ADGRL3: variants seen among roughly 807,000 people sequenced by gnomAD.
ADGRL3 encodes adhesion G protein-coupled receptor L3, also known as calcium-independent alpha-latrotoxin receptor 3.
A neutral mutation model predicts 153.5 loss-of-function variants in ADGRL3; 62 were observed. The observed-to-expected ratio is 0.40, with a 90% CI of 0.33 to 0.50. The LOEUF is 0.50. Ranked by LOEUF, ADGRL3 falls within the 20% of genes least tolerant of loss-of-function variation. ADGRL3 has a pLI of 0.47. For synonymous variants in ADGRL3, 710 were observed against 672.5 expected (o/e 1.06, Z -0.86); for missense variants, 1,641 against 1,859.4 (o/e 0.88, Z 2.16).
intron 5 of ADGRL3, among the ~76,000 whole-genome samples, chr4:61,663,465 C>T (rs191138278): frequency 1.9e-4 from 29 of 152,314 alleles, no homozygotes; most frequent in Middle Eastern, 6.8e-3. Flanking sequence ...CCACCGCAGC[C>T]GGTGTGCCTG....
At chr4:61,350,846 C>A (rs79224445) in intron 1 of ADGRL3, among the ~76,000 whole-genome samples, 2 of 152,060 alleles carry the variant, frequency 1.3e-5, no homozygotes, top group Non-Finnish European at 2.9e-5. Context: ...TCTTTTCCCC[C>A]CTCTGTGCCC....
intron 1 of ADGRL3, among the ~76,000 whole-genome samples, chr4:61,317,755 A>G (rs933870184): frequency 3.9e-5 from 6 of 152,296 alleles, no homozygotes; most frequent in African/African-American, 1.2e-4. Flanking sequence ...CAGAGTCTAT[A>G]TATCATACTT....
In ADGRL3 at chr4:61,677,125, C is replaced by T. The variant is rs373353994; in HGVS notation, c.583+190C>T. The T allele has an allele frequency of 9.5e-5, 49 of 514,670 alleles. 1 individual carries two copies. Among genetic ancestry groups the T allele is most frequent in the Middle Eastern group, 5.1e-4 (1 of 1,952 alleles). 31.9% of individuals were successfully genotyped at this position (514,670 alleles called of 1,614,324 possible). A position where few individuals can be genotyped will look rare whatever the true frequency, so the allele number is the denominator to read the frequency against. ...ATTAGATATTGCCTACCCTCTCCTA[C>T]GGCATTTACTTGTGATTATTTCTGT... On this transcript the variant is annotated intron_variant, in intron 6 of 26. Coordinates refer to ENST00000683033, the MANE Select transcript of ADGRL3 (RefSeq NM_001387552.1).
intron 6 of ADGRL3, among the ~76,000 whole-genome samples, chr4:61,699,584 A>C (rs1313020293): frequency 6.6e-6 from 1 of 152,136 alleles, no homozygotes; most frequent in Admixed American, 6.6e-5. Context: ...AGGAAGAAAA[A>C]TCACTCTTGG....
intron 2 of ADGRL3, among the ~76,000 whole-genome samples, chr4:61,479,983 A>G (rs1236508928): frequency 6.6e-6 from 1 of 152,160 alleles, no homozygotes; most frequent in Non-Finnish European, 1.5e-5. Flanking sequence ...AAGCTAGTTA[A>G]CATGTTCATC....
At chr4:61,537,412 A>G (rs990615544) in intron 4 of ADGRL3, among the ~76,000 whole-genome samples, 1 of 151,916 alleles carries the variant, frequency 6.6e-6, no homozygotes, top group Non-Finnish European at 1.5e-5. Context: ...GTATCTGGAT[A>G]TTTACCTCTC....
intron 1 of ADGRL3, among the ~76,000 whole-genome samples, chr4:61,226,529 A>G (rs752436296): frequency 1.3e-5 from 2 of 152,158 alleles, no homozygotes; most frequent in African/African-American, 2.4e-5. Flanking sequence ...ATGTGGCATG[A>G]ATAGTGGAAG....
chr4:61,628,041 A>G (rs1388726557), intron 5 of ADGRL3, among the ~76,000 whole-genome samples: 3 of 152,214 alleles, frequency 2.0e-5, no homozygotes, highest in Non-Finnish European at 4.4e-5. Flanking sequence ...TTAATTTAAT[A>G]ACATGATACA....
intron 6 of ADGRL3, among the ~76,000 whole-genome samples, chr4:61,694,208 T>TGC (rs2095598639): frequency 7.5e-6 from 1 of 133,836 alleles, no homozygotes. Context: ...TTTTTTTTTT[T>TGC]TTTTTTTTTT....
intron 25 of ADGRL3, among the ~76,000 whole-genome samples, chr4:62,053,588 G>A (rs1735431101): frequency 6.6e-6 from 1 of 151,496 alleles, no homozygotes; most frequent in African/African-American, 2.4e-5. Flanking sequence ...ATAGAAGGAA[G>A]ATAGTCAATC....
chr4:61,287,078 G>A (rs1402619461), intron 1 of ADGRL3, among the ~76,000 whole-genome samples: 1 of 151,498 alleles, frequency 6.6e-6, no homozygotes. Context: ...TTCATAGTAG[G>A]GATTTTCAAT....
intron 4 of ADGRL3, among the ~76,000 whole-genome samples, chr4:61,534,088 A>G (rs1271131104): frequency 2.0e-5 from 3 of 152,004 alleles, no homozygotes. Context: ...CAGGTTTTGC[A>G]TTTAAGTCAT....
chr4:61,680,245 G>T (rs192824083), intron 6 of ADGRL3, among the ~76,000 whole-genome samples: 6 of 151,936 alleles, frequency 3.9e-5, no homozygotes, highest in Non-Finnish European at 7.4e-5. Flanking sequence ...TGAACGAACA[G>T]TGTTAGGTTC....
At chr4:61,791,208 A>G (rs1263447459) in intron 8 of ADGRL3, among the ~76,000 whole-genome samples, 1 of 152,160 alleles carries the variant, frequency 6.6e-6, no homozygotes, top group East Asian at 1.9e-4. Flanking sequence ...AGTCCCTTCC[A>G]CCTATGAGCC....
intron 2 of ADGRL3, among the ~76,000 whole-genome samples, chr4:61,429,530 C>T (rs1017250841): frequency 6.6e-6 from 1 of 152,048 alleles, no homozygotes; most frequent in Non-Finnish European, 1.5e-5. Flanking sequence ...TTGGAATTAA[C>T]CCCCCACTTC....
chr4:61,568,852 A>G (rs1222208654), intron 4 of ADGRL3, among the ~76,000 whole-genome samples: 1 of 151,856 alleles, frequency 6.6e-6, no homozygotes, highest in Non-Finnish European at 1.5e-5. Flanking sequence ...CCTTCCCTCA[A>G]ATTTAATCTA....
At chr4:61,711,491 TACAC>T (rs1554009882) in intron 6 of ADGRL3, among the ~76,000 whole-genome samples, 3 of 89,202 alleles carry the variant, frequency 3.4e-5, no homozygotes, top group South Asian at 3.8e-4. Context: ...TATATATATA[TACAC>T]ACACACACAC....
chr4:61,939,431 CT>C (rs1167959762), intron 15 of ADGRL3, among the ~76,000 whole-genome samples: 1 of 151,040 alleles, frequency 6.6e-6, no homozygotes, highest in Non-Finnish European at 1.5e-5. Context: ...AAACTTTCTT[CT>C]TATTACTATT....
chr4:61,562,225 T>C (rs965254795), intron 4 of ADGRL3, among the ~76,000 whole-genome samples: 1 of 152,222 alleles, frequency 6.6e-6, no homozygotes, highest in African/African-American at 2.4e-5. Context: ...AAAGATCCTC[T>C]GAGCCTTTAG....
Sources: allele counts gnomAD v4.1 joint callset (sites outside exome capture counted in the v4.1 genomes callset), GRCh38; gene constraint gnomAD v4.1.1; transcripts MANE v1.5; gene names NCBI Gene and HGNC (gene_info 2026-07-23, HGNC 2026-07-21).